Variants in PPARGC1A observed in about 807,000 individuals in gnomAD.
The protein encoded by PPARGC1A is PPARG coactivator 1 alpha.
Under a neutral mutation model 88.7 loss-of-function variants are expected in PPARGC1A, and 25 were observed. The observed-to-expected ratio is 0.28, with a 90% CI of 0.21 to 0.39. The LOEUF (loss-of-function observed/expected upper bound fraction) is 0.39, where lower values mean the gene tolerates loss of function less well. PPARGC1A is among the 10% of genes least tolerant of loss of function. The probability of loss-of-function intolerance (pLI) is 1.00; values close to 1 mark genes in which losing one functional copy is unlikely to be tolerated. For missense variants in PPARGC1A, 880 were observed against 968.7 expected (o/e 0.91, Z 1.22); for synonymous variants, 363 against 355.6 (o/e 1.02, Z -0.24).
At chr4:24,364,499 C>T in the PPARGC1A span, among the ~76,000 whole-genome samples, 142 of 152,244 alleles carry the variant, frequency 9.3e-4, 1 homozygote, top group African/African-American at 2.8e-3. Flanking sequence ...CACTTCTCCT[C>T]GCCTCTCATG....
chr4:23,904,864 T>C (rs1254322302), upstream of PPARGC1A, among the ~76,000 whole-genome samples: 1 of 152,190 alleles, frequency 6.6e-6, no homozygotes, highest in Non-Finnish European at 1.5e-5. Context: ...AGCTTCTATT[T>C]CCCTTTCTGA....
the PPARGC1A span, among the ~76,000 whole-genome samples, chr4:24,332,036 G>A: frequency 2.6e-5 from 4 of 151,934 alleles, no homozygotes; most frequent in South Asian, 4.1e-4. Flanking sequence ...AGTTGTTGAC[G>A]TCGGGCAGTA....
the PPARGC1A span, among the ~76,000 whole-genome samples, chr4:24,177,383 G>A: frequency 7.3e-5 from 11 of 150,430 alleles, 1 homozygote; most frequent in African/African-American, 2.4e-4. Flanking sequence ...ACCAAACACC[G>A]CATGTTCTCA....
chr4:24,336,748 T>TC, the PPARGC1A span, among the ~76,000 whole-genome samples: 7 of 152,120 alleles, frequency 4.6e-5, no homozygotes, highest in African/African-American at 1.4e-4. Flanking sequence ...TTGTTTTTTT[T>TC]CCATTTTTTG....
intron 10 of PPARGC1A, among the ~76,000 whole-genome samples, chr4:23,805,078 T>C (rs1412385351): frequency 6.6e-6 from 1 of 152,190 alleles, no homozygotes; most frequent in Non-Finnish European, 1.5e-5. Context: ...AATGAATATC[T>C]GCTATAAAAT....
upstream of PPARGC1A, among the ~76,000 whole-genome samples, chr4:23,890,615 T>C (rs1717697193): frequency 6.7e-6 from 1 of 149,020 alleles, no homozygotes; most frequent in South Asian, 2.2e-4. Context: ...TTTTTTTTTT[T>C]TTTTTTTTTT....
At chr4:24,039,502 C>T in the PPARGC1A span, among the ~76,000 whole-genome samples, 2 of 152,036 alleles carry the variant, frequency 1.3e-5, no homozygotes, top group African/African-American at 4.8e-5. Context: ...TGCTTAATCC[C>T]TTGCTTTATG....
intron 2 of PPARGC1A, among the ~76,000 whole-genome samples, chr4:23,854,883 G>A (rs989275772): frequency 6.6e-6 from 1 of 152,136 alleles, no homozygotes; most frequent in African/African-American, 2.4e-5. Context: ...TATAAACTAG[G>A]TTGAAATACT....
chr4:23,812,943 G>GT (rs1721204043), intron 9 of PPARGC1A, 76 bp from the exon 10 acceptor site: 2 of 1,612,258 alleles, frequency 1.2e-6, no homozygotes, highest in Non-Finnish European at 1.7e-6. Flanking sequence ...ATGGGGAGGG[G>GT]TATAGGGTTT....
At chr4:23,980,185 C>CAAAAAAAAA in the PPARGC1A span, among the ~76,000 whole-genome samples, 2 of 89,516 alleles carry the variant, frequency 2.2e-5, no homozygotes, top group Admixed American at 1.3e-4. Flanking sequence ...TCCCAGCCAG[C>CAAAAAAAAA]AAAAAAAAAA....
At chr4:23,867,107 A>C (rs1577575700) in intron 2 of PPARGC1A, among the ~76,000 whole-genome samples, 2 of 152,328 alleles carry the variant, frequency 1.3e-5, no homozygotes, top group African/African-American at 4.8e-5. Flanking sequence ...ACTCACGAGT[A>C]AAAAAATCTA....
the PPARGC1A span, among the ~76,000 whole-genome samples, chr4:24,129,262 C>A: frequency 6.6e-6 from 1 of 152,288 alleles, no homozygotes; most frequent in Non-Finnish European, 1.5e-5. Context: ...CCAAAGAACA[C>A]ATAGGTTATG....
At chr4:24,044,068 A>G in the PPARGC1A span, among the ~76,000 whole-genome samples, 3 of 152,286 alleles carry the variant, frequency 2.0e-5, no homozygotes, top group South Asian at 6.2e-4. Flanking sequence ...AAGAGCGTCA[A>G]ATTGGGTCAC....
the PPARGC1A span, among the ~76,000 whole-genome samples, chr4:24,301,215 A>G: frequency 6.6e-6 from 1 of 152,176 alleles, no homozygotes; most frequent in Admixed American, 6.5e-5. Context: ...TATTTTTTCA[A>G]TCTTCATCGT....
At chr4:24,346,615 G>A in the PPARGC1A span, among the ~76,000 whole-genome samples, 8 of 152,140 alleles carry the variant, frequency 5.3e-5, no homozygotes, top group East Asian at 1.5e-3. Context: ...GGTGTCAGTT[G>A]TAATATCTCC....
chr4:24,401,495 C>G, the PPARGC1A span, among the ~76,000 whole-genome samples: 1 of 151,428 alleles, frequency 6.6e-6, no homozygotes, highest in Non-Finnish European at 1.5e-5. Context: ...AGCTTGCTTA[C>G]TGCTCCAGAG....
At chr4:24,284,730 T>C in the PPARGC1A span, among the ~76,000 whole-genome samples, 1 of 152,068 alleles carries the variant, frequency 6.6e-6, no homozygotes, top group Non-Finnish European at 1.5e-5. Flanking sequence ...ATTCATTCCT[T>C]AGAAAAGAAA....
chr4:24,436,715 G>A, the PPARGC1A span, among the ~76,000 whole-genome samples: 20 of 141,524 alleles, frequency 1.4e-4, no homozygotes, highest in Admixed American at 3.5e-4. Flanking sequence ...TCACAGAGCT[G>A]ACATCGATTG....
chr4:24,186,570 A>T, the PPARGC1A span, among the ~76,000 whole-genome samples: 15 of 152,174 alleles, frequency 9.9e-5, no homozygotes, highest in Non-Finnish European at 1.5e-4. Context: ...TATGAATGCC[A>T]GTAAAGGACT....
Sources: allele counts gnomAD v4.1 joint callset (sites outside exome capture counted in the v4.1 genomes callset), GRCh38; gene constraint gnomAD v4.1.1; transcripts MANE v1.5; gene names NCBI Gene and HGNC (gene_info 2026-07-23, HGNC 2026-07-21).